The following SERPINE2 variants were observed in gnomAD, a reference collection of about 807,000 sequenced individuals.
SERPINE2 encodes the protein glia-derived nexin.
SERPINE2 carries 14 observed loss-of-function variants against 36.3 expected under a neutral mutation model. The ratio of observed to expected loss-of-function variants is 0.39; its 90% CI spans 0.25 to 0.60. SERPINE2 has a LOEUF of 0.60. Ranked by LOEUF, SERPINE2 falls within the 20% of genes least tolerant of loss-of-function variation. The pLI is 0.57. For missense variants in SERPINE2, 418 were observed against 499.6 expected (o/e 0.84, Z 1.56); for synonymous variants, 192 against 191.8 (o/e 1.00, Z -0.01).
At chr2:224,036,298 G>A (rs1450211221) in intron 1 of SERPINE2, among the ~76,000 whole-genome samples, 1 of 148,878 alleles carries the variant, frequency 6.7e-6, no homozygotes, top group Admixed American at 6.8e-5. Context: ...GAGATGCCAG[G>A]GAGGAATAAG....
At chr2:224,031,288 C>G in intron 1 of SERPINE2, 1 of 985,438 alleles carries the variant, frequency 1.0e-6, no homozygotes, top group Non-Finnish European at 1.2e-6. Context: ...GACCGTGGAC[C>G]CTTTATCTCT....
At chr2:223,995,309 G>A (rs1690837970) in intron 3 of SERPINE2, among the ~76,000 whole-genome samples, 1 of 152,204 alleles carries the variant, frequency 6.6e-6, no homozygotes, top group Non-Finnish European at 1.5e-5. Context: ...ACAAACAGTT[G>A]AGCTCCAAGT....
chr2:224,012,603 A>C (rs75819222), intron 1 of SERPINE2, among the ~76,000 whole-genome samples: 2,389 of 11,692 alleles, frequency 0.2, 109 homozygotes, highest in East Asian at 0.48. Context: ...ACTCCATCCC[A>C]AAAAAAAAAA....
At chr2:223,989,432 C>T (rs142722037) in intron 4 of SERPINE2, among the ~76,000 whole-genome samples, 1 of 152,264 alleles carries the variant, frequency 6.6e-6, no homozygotes, top group African/African-American at 2.4e-5. Context: ...CACAGCAGCT[C>T]GAGCTGGGCC....
chr2:223,977,075 G>A (rs1000803702), intron 8 of SERPINE2, among the ~76,000 whole-genome samples: 1 of 152,082 alleles, frequency 6.6e-6, no homozygotes, highest in Non-Finnish European at 1.5e-5. Context: ...CCGTAATTGT[G>A]AGGTTCCTGA....
chr2:224,012,419 T>C (rs1691661031), intron 1 of SERPINE2, among the ~76,000 whole-genome samples: 1 of 152,120 alleles, frequency 6.6e-6, no homozygotes, highest in Non-Finnish European at 1.5e-5. Flanking sequence ...AAGTATGGTA[T>C]AATTAACTAT....
At chr2:224,013,586 T>C (rs565505143) in intron 1 of SERPINE2, among the ~76,000 whole-genome samples, 1 of 152,168 alleles carries the variant, frequency 6.6e-6, no homozygotes, top group Admixed American at 6.5e-5. Context: ...GTAAGAATAA[T>C]TTAGATTATA....
chr2:224,005,098 A>ATATATAT (rs1559209284), intron 1 of SERPINE2, among the ~76,000 whole-genome samples: 22 of 115,738 alleles, frequency 1.9e-4, no homozygotes, highest in African/African-American at 3.6e-4. Context: ...TATATATATA[A>ATATATAT]AACATTGTAA....
intron 4 of SERPINE2, among the ~76,000 whole-genome samples, chr2:223,991,034 T>C (rs1690644040): frequency 6.6e-6 from 1 of 152,190 alleles, no homozygotes; most frequent in African/African-American, 2.4e-5. Context: ...ATTAATATTT[T>C]TTACTGAAGA....
In SERPINE2 at chr2:224,030,163, A is replaced by C. The variant is rs142064712; in HGVS notation, c.-23+8936T>G. The C allele has an allele frequency of 1.2e-4, 116 of 985,468 alleles. No individual in the cohort carries two copies. In the African/African-American group the frequency reaches 1.8e-3, roughly 15 times the overall value. 61.0% of individuals were successfully genotyped at this position (985,468 alleles called of 1,614,324 possible). The stretch of plus-strand genomic sequence containing the variant: ...GAGTCAGAAGGAGGTTATTTCATGC[A>C]ACAGCCTTCCTTTGCTTCATGGCCA... On this transcript the variant is annotated intron_variant, in intron 1 of 8. Transcript: ENST00000409304.
chr2:223,998,690 G>A (rs977605906), intron 2 of SERPINE2, among the ~76,000 whole-genome samples: 12 of 152,146 alleles, frequency 7.9e-5, no homozygotes, highest in African/African-American at 2.4e-4. Flanking sequence ...CATACAGCCT[G>A]GGTGACTAAG....
At position 223,986,980 on chromosome 2, in the gene SERPINE2, C is replaced by G. The variant is rs368300033; in HGVS notation, c.686-2030G>C. ...GGAGATAAAATAACACCTTTTCTGT[C>G]TTTCTACCTGGTCACTCAAGTACTG... On this transcript the variant is annotated intron_variant, in intron 4 of 8. Transcript: ENST00000409304. 5.3e-5 allele frequency among the ~76,000 whole-genome samples: 8 copies of G among 152,098 alleles called. No individual in the cohort carries two copies. The East Asian group carries it at 7.7e-4, about 15-fold the overall frequency.
At chr2:224,001,501 C>A (rs1559206509) in intron 2 of SERPINE2, 141 bp downstream of exon 2, 1 of 829,344 alleles carries the variant, frequency 1.2e-6, no homozygotes, top group Non-Finnish European at 1.7e-6. Context: ...AAGAGACTGA[C>A]CCCAAGCCCC....
intron 1 of SERPINE2, among the ~76,000 whole-genome samples, chr2:224,002,797 A>AT (rs1195652703): frequency 1.3e-5 from 2 of 151,486 alleles, no homozygotes; most frequent in Non-Finnish European, 1.5e-5. Context: ...CAGCCTAATC[A>AT]TTATTTAATT....
At position 224,001,724 on chromosome 2, in the gene SERPINE2, C is replaced by G. The variant is rs780761280; in HGVS notation, c.177G>C (p.Ala59=). The G allele has an allele frequency of 3.7e-6, 6 of 1,614,180 alleles. No homozygotes were observed. Among genetic ancestry groups the G allele is most frequent in the Non-Finnish European group, 4.2e-6 (5 of 1,180,034 alleles). Residue 59 remains alanine (A), a synonymous_variant, in exon 2 of 9, where the codon GCG becomes GCC. Transcript: ENST00000409304. ...CCAGCTGAAGCATCCCCAGGACCGA[C>G]GCAATCCCATGGGGAGAGATCACGA... The part of the protein sequence containing the change: ...DNIVISPHGI[A]SVLGMLQLGA...
rs1194771557 is a variant in SERPINE2 at position 224,039,230 on chromosome 2, G to A, written c.-154C>T. The A allele has an allele frequency of 1.3e-5, 2 of 150,902 alleles. No individual in the cohort carries two copies. 9.3% of individuals were successfully genotyped at this position (150,902 alleles called of 1,614,324 possible). A position where few individuals can be genotyped will look rare whatever the true frequency, so the allele number is the denominator to read the frequency against. On this transcript the variant is annotated 5_prime_UTR_variant, in exon 1 of 9. Coordinates refer to ENST00000409304, the MANE Select transcript of SERPINE2 (RefSeq NM_001136528.2). This position sits in a 1 kb window ranked among gnomAD's most constrained non-coding sequence, Gnocchi z 5.2. ...GCGGCGGCGAGGAGGGTCACAGCCG[G>A]AAAGAGGCAGCGGTGGCGCCTGCAG...
chr2:224,027,187 C>A (rs866772751), intron 1 of SERPINE2, among the ~76,000 whole-genome samples: 1 of 152,102 alleles, frequency 6.6e-6, no homozygotes, highest in African/African-American at 2.4e-5. Context: ...ACTACTGAGC[C>A]CCCCTGCTGG....
At chr2:224,016,317 C>T (rs762480383) in intron 1 of SERPINE2, among the ~76,000 whole-genome samples, 1 of 152,160 alleles carries the variant, frequency 6.6e-6, no homozygotes, top group Non-Finnish European at 1.5e-5. Flanking sequence ...ACCAGCCTCA[C>T]TAACATGGTG....
chr2:223,990,956 T>A (rs1409106544), intron 4 of SERPINE2, among the ~76,000 whole-genome samples: 6 of 152,182 alleles, frequency 3.9e-5, no homozygotes, highest in African/African-American at 1.2e-4. Context: ...CTAGCCTGGG[T>A]AACACAGTGA....
Sources: gnomAD v4.1 joint callset for allele counts (sites outside exome capture counted in the v4.1 genomes callset) on GRCh38, gnomAD v4.1.1 for gene constraint, Gnocchi (gnomAD v3.1) non-coding constraint, MANE v1.5 for transcripts, NCBI Gene and HGNC (gene_info 2026-07-23, HGNC 2026-07-21) for gene names.